Variants in FAM193A observed in about 807,000 individuals in gnomAD.
FAM193A encodes the protein family with sequence similarity 193 member A.
Under a neutral mutation model 126.5 loss-of-function variants are expected in FAM193A, and 22 were observed. The observed-to-expected ratio is 0.17, with a 90% CI of 0.12 to 0.25. The LOEUF is 0.25. FAM193A is among the 10% of genes least tolerant of loss of function. FAM193A has a pLI of 1.00. For missense variants in FAM193A, 1,675 were observed against 1,672.8 expected (o/e 1.00, Z -0.02); for synonymous variants, 761 against 646.8 (o/e 1.18, Z -2.68).
chr4:2,586,050 C>T (rs1160393211), intron 1 of FAM193A, among the ~76,000 whole-genome samples: 1 of 152,010 alleles, frequency 6.6e-6, no homozygotes, highest in Non-Finnish European at 1.5e-5. Flanking sequence ...TCATGACAAG[C>T]CTGATCAACA....
intron 1 of FAM193A, among the ~76,000 whole-genome samples, chr4:2,570,446 C>A (rs904814285): frequency 6.6e-6 from 1 of 152,186 alleles, no homozygotes; most frequent in Admixed American, 6.5e-5. Flanking sequence ...TCAGGAGATA[C>A]TGAAATAAAC....
rs1015997311 is a variant in FAM193A, at chr4:2,732,488, G to C, written c.*620G>C. ...TACGACTGTATTAACACGGAGGCCT[G>C]CCTGGCTACTTTTTTAACATATTGT... On this transcript the variant is annotated 3_prime_UTR_variant, in exon 21 of 21. Transcript: ENST00000637812. 1 of 152,784 alleles carries C rather than the reference G, an allele frequency of 6.5e-6. No individual in the cohort carries two copies. The highest frequency in any genetic ancestry group is 2.4e-5 in the African/African-American group (1 of 41,454). The allele number at this position is 152,784 out of a possible 1,614,324, so 9.5% of individuals were successfully genotyped here.
intron 2 of FAM193A, among the ~76,000 whole-genome samples, chr4:2,604,952 C>T (rs1486759919): frequency 6.6e-6 from 1 of 150,982 alleles, no homozygotes; most frequent in Non-Finnish European, 1.5e-5. Flanking sequence ...TGCACGCCAA[C>T]AGTCCTGGAT....
intron 5 of FAM193A, among the ~76,000 whole-genome samples, chr4:2,634,191 C>T (rs1471000966): frequency 6.6e-6 from 1 of 152,174 alleles, no homozygotes; most frequent in Non-Finnish European, 1.5e-5. Flanking sequence ...GGTGGAGATG[C>T]AGGGAGTACA....
chr4:2,691,774 TAA>T (rs370439634), intron 15 of FAM193A, among the ~76,000 whole-genome samples: 7 of 136,408 alleles, frequency 5.1e-5, no homozygotes, highest in Admixed American at 7.2e-5. Context: ...ACCCCGTCTC[TAA>T]AAAAAAAAAA....
chr4:2,537,439 C>G (rs1020680190), intron 1 of FAM193A, among the ~76,000 whole-genome samples: 1 of 152,180 alleles, frequency 6.6e-6, no homozygotes, highest in African/African-American at 2.4e-5. Flanking sequence ...GGCCGCCGCT[C>G]ACGGCGACGG....
intron 15 of FAM193A, among the ~76,000 whole-genome samples, chr4:2,692,994 G>C (rs1182134318): frequency 1.3e-5 from 2 of 152,088 alleles, no homozygotes; most frequent in African/African-American, 4.8e-5. Flanking sequence ...CTTGAGCCCA[G>C]GGGTTCAGGA....
intron 1 of FAM193A, among the ~76,000 whole-genome samples, chr4:2,590,512 A>AAAAAC (rs1361401510): frequency 8.7e-6 from 1 of 114,564 alleles, no homozygotes; most frequent in Admixed American, 7.9e-5. Flanking sequence ...AAAACAAAAA[A>AAAAAC]AAAACAAAAC....
chr4:2,565,971 T>G (rs1738917025), intron 1 of FAM193A, among the ~76,000 whole-genome samples: 1 of 152,050 alleles, frequency 6.6e-6, no homozygotes, highest in African/African-American at 2.4e-5. Flanking sequence ...ATCTAGCAAA[T>G]CCAGTATTTT....
chr4:2,561,161 T>C (rs1294933410), intron 1 of FAM193A, among the ~76,000 whole-genome samples: 1 of 152,224 alleles, frequency 6.6e-6, no homozygotes, highest in Non-Finnish European at 1.5e-5. Context: ...CTTAATATGT[T>C]AGGCATATAT....
rs562436706 is a variant in FAM193A at position 2,697,656 on chromosome 4, A to G, written c.3507+1063A>G. ...CCCGATGTCCTGTGTTGTTACTTGTATCTTAGCTGTTGTGATTGTTCTACC... is the reference window on the plus strand; with the variant it reads ...CCCGATGTCCTGTGTTGTTACTTGTGTCTTAGCTGTTGTGATTGTTCTACC... On this transcript the variant is annotated intron_variant, in intron 18 of 20. Transcript: ENST00000637812. Among the ~76,000 whole-genome samples, 3 of 152,322 alleles carry G rather than the reference A, an allele frequency of 2.0e-5. No individual in the cohort carries two copies. The East Asian group carries it at 5.8e-4, about 29-fold the overall frequency.
At position 2,625,405 on chromosome 4, in the gene FAM193A, G is replaced by A. The variant is rs369163500; in HGVS notation, c.635+10G>A. 1.6e-5 allele frequency: 11 copies of A among 698,278 alleles called. No homozygotes were observed. The highest frequency in any genetic ancestry group is 2.1e-5 in the Non-Finnish European group (8 of 381,874). 43.3% of individuals were successfully genotyped at this position (698,278 alleles called of 1,614,324 possible). A position where few individuals can be genotyped will look rare whatever the true frequency, so the allele number is the denominator to read the frequency against. On this transcript the variant is annotated intron_variant, in intron 3 of 20. Coordinates refer to ENST00000637812, the MANE Select transcript of FAM193A (RefSeq NM_001366318.2). ...CCTGCAGTGAGCGCAGGTATGTGAC[G>A]TGTGTGCCACGTTGCTCACACCTGT...
intron 14 of FAM193A, among the ~76,000 whole-genome samples, chr4:2,690,172 C>T (rs1033458482): frequency 2.0e-4 from 31 of 152,218 alleles, no homozygotes; most frequent in African/African-American, 7.5e-4. Flanking sequence ...TAGCTCCTTA[C>T]TCCCCAGCTG....
chr4:2,672,350 C>T lies in FAM193A; in HGVS notation c.2309C>T (p.Thr770Met), dbSNP rs747850129. 3.7e-6 allele frequency: 6 copies of T among 1,614,062 alleles called. No homozygotes were observed. The highest frequency in any genetic ancestry group is 2.2e-5 in the East Asian group (1 of 44,902). The change falls in exon 13 of 21, where the codon ACG becomes ATG. Residue 770 changes from threonine to methionine, a missense_variant. Around this residue, in one of 4 missense-constraint regions of FAM193A, gnomAD observed 1,186 missense variants for 1,109.2 expected, o/e 1.07. Transcript: ENST00000637812. The part of the protein sequence containing the change: ...RPLIHPTLYA[T>M]PPFTHSKALP... ...CTCATCCACCCCACCTTGTATGCAA[C>T]GCCCCCCTTCACACACAGTAAGGTA... is the stretch of plus-strand genomic sequence containing the variant.
chr4:2,611,027 G>T (rs1030242489), intron 2 of FAM193A, among the ~76,000 whole-genome samples: 3 of 151,244 alleles, frequency 2.0e-5, no homozygotes, highest in African/African-American at 4.9e-5. Flanking sequence ...ATGAGCCACC[G>T]TGCCCGGCCG....
At chr4:2,545,000 T>C (rs1737459744) in intron 1 of FAM193A, among the ~76,000 whole-genome samples, 1 of 147,528 alleles carries the variant, frequency 6.8e-6, no homozygotes, top group South Asian at 2.1e-4. Flanking sequence ...TCTTTCTTTC[T>C]TTTTTTTTTT....
intron 1 of FAM193A, among the ~76,000 whole-genome samples, chr4:2,538,648 T>C (rs1737036777): frequency 6.7e-6 from 1 of 149,974 alleles, no homozygotes; most frequent in African/African-American, 2.5e-5. Context: ...CTTTGGGGTT[T>C]TTAAGGGCAG....
chr4:2,671,419 G>C (rs1401663787), intron 12 of FAM193A, among the ~76,000 whole-genome samples: 2 of 152,152 alleles, frequency 1.3e-5, no homozygotes, highest in African/African-American at 4.8e-5. Flanking sequence ...TTTGGTAGCA[G>C]GGTTGGTTTG....
intron 19 of FAM193A, among the ~76,000 whole-genome samples, chr4:2,711,646 A>AT (rs1292006961): frequency 2.0e-5 from 3 of 149,804 alleles, no homozygotes; most frequent in Admixed American, 6.7e-5. Context: ...AGCCTCCATT[A>AT]TTTTTTTTAA....
Sources: allele counts gnomAD v4.1 joint callset (sites outside exome capture counted in the v4.1 genomes callset), GRCh38; gene constraint gnomAD v4.1.1; regional missense constraint gnomAD v4.1.1; transcripts MANE v1.5; gene names NCBI Gene and HGNC (gene_info 2026-07-23, HGNC 2026-07-21).